SART3: variants seen among roughly 807,000 people sequenced by gnomAD.
The protein encoded by SART3 is spliceosome associated factor 3, U4/U6 recycling protein.
A neutral mutation model predicts 122.3 loss-of-function variants in SART3; 44 were observed. That is an observed-to-expected ratio of 0.36 (90% CI 0.28 to 0.46). The LOEUF (loss-of-function observed/expected upper bound fraction) is 0.46. SART3 is among the 20% of genes least tolerant of loss of function. The probability of loss-of-function intolerance (pLI) is 1.00; values close to 1 mark genes in which losing one functional copy is unlikely to be tolerated. For synonymous variants in SART3, 442 were observed against 454.0 expected, an observed-to-expected ratio of 0.97 and a Z score of 0.34; for missense variants, 1,101 against 1,229.0, an observed-to-expected ratio of 0.90 and a Z score of 1.56.
At chr12:108,543,888 G>C (rs1873282795) in intron 5 of SART3, among the ~76,000 whole-genome samples, 1 of 152,062 alleles carries the variant, frequency 6.6e-6, no homozygotes, top group Admixed American at 6.6e-5. Context: ...AGACTCAAAG[G>C]CTTAGATTGC....
intron 11 of SART3, 48 bp downstream of exon 11, chr12:108,536,466 T>C: frequency 6.4e-7 from 1 of 1,559,266 alleles, no homozygotes; most frequent in Non-Finnish European, 8.8e-7. Context: ...AATAGGATGC[T>C]ATTAAACAAT....
intron 3 of SART3, among the ~76,000 whole-genome samples, chr12:108,545,986 A>AAAC (rs1413262204): frequency 1.4e-5 from 2 of 146,842 alleles, no homozygotes; most frequent in Non-Finnish European, 3.0e-5. Context: ...AAAAAAAAAC[A>AAAC]CACATATAAT....
rs767844746 is a variant in SART3 at position 108,560,931 on chromosome 12, G to C, written c.224C>G (p.Ser75Cys). 6.2e-7 allele frequency: 1 copy of C among 1,613,930 alleles called. No homozygotes were observed. Among genetic ancestry groups the C allele is most frequent in the Non-Finnish European group, 8.5e-7 (1 of 1,179,940 alleles). ...GTACTCCCCGGGGGAGCTCTCCGCG[G>C]AGGAAGCCATGGCGTACTCATCCCC... ...SDGDEYAMAS[S>C]AESSPGEYEW... Residue 75 changes from serine (S) to cysteine (C), a missense_variant, in exon 1 of 19, where the codon TCC (serine) becomes TGC (cysteine). Coordinates refer to ENST00000546815, the MANE Select transcript of SART3 (RefSeq NM_014706.4).
Position 108,523,285 on chromosome 12 carries a change from T to A in SART3, c.*172A>T, listed in dbSNP as rs1437892536. Reference sequence around the variant, plus strand: ...CACTGCCCTCAATATGAGGGAGCACTGAAAGGCTCTTGACTTAGAACCCCT... The same window carrying A: ...CACTGCCCTCAATATGAGGGAGCACAGAAAGGCTCTTGACTTAGAACCCCT... On this transcript the variant is annotated 3_prime_UTR_variant, in exon 19 of 19. Transcript: ENST00000546815. 14 of 717,298 alleles carry A rather than the reference T, an allele frequency of 2.0e-5. No individual in the cohort carries two copies. Among genetic ancestry groups the A allele is most frequent in the Non-Finnish European group, 2.9e-5 (12 of 408,112 alleles). The allele number at this position is 717,298 out of a possible 1,614,324, so 44.4% of individuals were successfully genotyped here. A position where few individuals can be genotyped will look rare whatever the true frequency, so the allele number is the denominator to read the frequency against.
intron 8 of SART3, 68 bp downstream of exon 8, chr12:108,537,997 T>G: frequency 6.2e-7 from 1 of 1,603,016 alleles, no homozygotes; most frequent in Admixed American, 1.7e-5. Context: ...TGTAATGACT[T>G]TGTCACCGCT....
At position 108,543,052 on chromosome 12, in the gene SART3, T is replaced by A; in HGVS notation, c.882A>T (p.Lys294Asn). Reference sequence around the variant, plus strand: ...CCAGTGCTTCTTCATAGGGTTTATATTTCTCCAGCTGCTGTAGTGCTTTGT... The same window carrying A: ...CCAGTGCTTCTTCATAGGGTTTATAATTCTCCAGCTGCTGTAGTGCTTTGT... ...NYNKALQQLE[K>N]YKPYEEALLQ... is the part of the protein sequence containing the mutation. The change falls in exon 6 of 19, where the codon AAA (lysine) becomes AAT (asparagine). Residue 294 changes from lysine to asparagine, a missense_variant. Physicochemically the swap from Lys to Asn is moderately conservative, Grantham distance 94. This residue lies in a region of SART3 where 885 missense variants were observed against 1,080.1 expected (regional missense o/e 0.82). Transcript: ENST00000546815. 6.2e-7 allele frequency: 1 copy of A among 1,614,270 alleles called. No homozygotes were observed. The highest frequency in any genetic ancestry group is 8.5e-7 in the Non-Finnish European group (1 of 1,180,046).
intron 17 of SART3, chr12:108,524,897 C>A (rs552506828): frequency 1.8e-5 from 6 of 331,204 alleles, no homozygotes; most frequent in Non-Finnish European, 3.4e-5. Context: ...TGCCTTCACC[C>A]GCTCCCTCAT....
chr12:108,525,631 A>G (rs1489519395), intron 16 of SART3, 22 bp from the exon 17 acceptor site: 8 of 1,613,568 alleles, frequency 5.0e-6, no homozygotes, highest in Non-Finnish European at 6.8e-6. Context: ...AGGAAGACAG[A>G]GAAAAACCAT....
chr12:108,557,574 C>A (rs942881474), intron 1 of SART3, among the ~76,000 whole-genome samples: 1 of 152,168 alleles, frequency 6.6e-6, no homozygotes, highest in Non-Finnish European at 1.5e-5. Context: ...AGGCGCTTTA[C>A]GCACATTGTG....
intron 1 of SART3, chr12:108,554,058 G>A (rs1031015898): frequency 6.6e-6 from 1 of 152,148 alleles, no homozygotes; most frequent in East Asian, 1.9e-4. Flanking sequence ...AGCCCAGAAG[G>A]ATCTCTCACC....
chr12:108,537,695 G>T, intron 8 of SART3, 100 bp from the exon 9 acceptor site: 2 of 869,822 alleles, frequency 2.3e-6, no homozygotes, highest in African/African-American at 1.7e-5. Flanking sequence ...TGACTTTAAA[G>T]ACTAATAGAT....
At chr12:108,529,668 C>T (rs1042187713) in intron 15 of SART3, among the ~76,000 whole-genome samples, 1 of 152,112 alleles carries the variant, frequency 6.6e-6, no homozygotes, top group Admixed American at 6.5e-5. Context: ...ATGGGCAGGC[C>T]ACAGGAGCAC....
At position 108,560,998 on chromosome 12, in the gene SART3, G is replaced by T. The variant is rs2030516596; in HGVS notation, c.157C>A (p.Pro53Thr). The T allele has an allele frequency of 6.2e-7, 1 of 1,614,120 alleles. No individual in the cohort carries two copies. The highest frequency in any genetic ancestry group is 8.5e-7 in the Non-Finnish European group (1 of 1,180,026). The change falls in exon 1 of 19, where the codon CCA (proline) becomes ACA (threonine). Residue 53 changes from proline (P) to threonine (T), a missense_variant. Around this residue, in one of 2 missense-constraint regions of SART3, gnomAD observed 216 missense variants for 148.9 expected, o/e 1.45. Coordinates refer to ENST00000546815, the MANE Select transcript of SART3 (RefSeq NM_014706.4). The stretch of plus-strand genomic sequence containing the variant: ...CCTTCCTCCTGCTGATCCCACGCTG[G>T]CCCCATGGTCTTGTATGTCGCAGCG... ...VAAATYKTMG[P>T]AWDQQEEGVS... is the part of the protein sequence containing the mutation.
At position 108,523,410 on chromosome 12, in the gene SART3, G is replaced by A. The variant is rs747790869; in HGVS notation, c.*47C>T. On this transcript the variant is annotated 3_prime_UTR_variant, in exon 19 of 19. Coordinates refer to ENST00000546815, the MANE Select transcript of SART3 (RefSeq NM_014706.4). Reference sequence around the variant, plus strand: ...TGCACTGCTGGGTGGTGGGAGGTCCGCCGGGCCAGAGTGAAGTAAGGCATT... The same window carrying A: ...TGCACTGCTGGGTGGTGGGAGGTCCACCGGGCCAGAGTGAAGTAAGGCATT... 1.3e-5 allele frequency: 21 copies of A among 1,601,422 alleles called. No individual in the cohort carries two copies. The highest frequency in any genetic ancestry group is 2.3e-4 in the Middle Eastern group (1 of 4,424).
intron 1 of SART3, among the ~76,000 whole-genome samples, chr12:108,554,716 C>A (rs1045550766): frequency 6.7e-6 from 1 of 148,968 alleles, no homozygotes; most frequent in African/African-American, 2.4e-5. Context: ...CATTAAAATT[C>A]CTTTTAAAAA....
chr12:108,559,526 C>T (rs913835714), intron 1 of SART3, among the ~76,000 whole-genome samples: 1 of 151,808 alleles, frequency 6.6e-6, no homozygotes, highest in Non-Finnish European at 1.5e-5. Flanking sequence ...ATCAGCCGGG[C>T]GCAATGGTGC....
intron 1 of SART3, among the ~76,000 whole-genome samples, chr12:108,559,267 T>C (rs2030367472): frequency 6.6e-6 from 1 of 152,182 alleles, no homozygotes; most frequent in Non-Finnish European, 1.5e-5. Flanking sequence ...TGATTTCACA[T>C]CCAGTGTGGC....
At chr12:108,558,776 G>A (rs974655025) in intron 1 of SART3, among the ~76,000 whole-genome samples, 4 of 152,192 alleles carry the variant, frequency 2.6e-5, no homozygotes, top group Non-Finnish European at 5.9e-5. Flanking sequence ...GCTCACGCCT[G>A]TAATCCCAGC....
chr12:108,556,614 G>A (rs1387635991), intron 1 of SART3, among the ~76,000 whole-genome samples: 1 of 152,212 alleles, frequency 6.6e-6, no homozygotes, highest in Non-Finnish European at 1.5e-5. Context: ...GGACACAAGT[G>A]TTCTAATCCC....
Sources: gnomAD v4.1 joint callset for allele counts (sites outside exome capture counted in the v4.1 genomes callset) on GRCh38, gnomAD v4.1.1 for gene constraint, gnomAD v4.1.1 regional missense constraint, MANE v1.5 for transcripts, NCBI Gene and HGNC (gene_info 2026-07-23, HGNC 2026-07-21) for gene names.